The following BICD1 variants were observed in gnomAD, a reference collection of about 807,000 sequenced individuals.
BICD1 encodes the protein protein bicaudal D homolog 1.
BICD1 carries 35 observed loss-of-function variants against 92.5 expected under a neutral mutation model. The ratio of observed to expected loss-of-function variants is 0.38; its 90% CI spans 0.29 to 0.50. The LOEUF (loss-of-function observed/expected upper bound fraction) is 0.50. Ranked by LOEUF, BICD1 falls within the 20% of genes least tolerant of loss-of-function variation. BICD1 has a pLI of 0.93. For missense variants in BICD1, 950 were observed against 1,189.8 expected, an observed-to-expected ratio of 0.80 and a Z score of 2.97; for synonymous variants, 429 against 465.1, an observed-to-expected ratio of 0.92 and a Z score of 1.00.
chr12:32,184,515 G>C (rs1944373206), intron 1 of BICD1, among the ~76,000 whole-genome samples: 1 of 152,140 alleles, frequency 6.6e-6, no homozygotes, highest in East Asian at 1.9e-4. Flanking sequence ...TTGAACTCCT[G>C]ACCTCGTGAT....
At chr12:32,334,921 A>G (rs952975168) in intron 6 of BICD1, among the ~76,000 whole-genome samples, 1 of 152,184 alleles carries the variant, frequency 6.6e-6, no homozygotes, top group African/African-American at 2.4e-5. Flanking sequence ...AGCTAATATT[A>G]ATAGGTTGTT....
At chr12:32,116,546 G>A (rs1304149933) in intron 1 of BICD1, among the ~76,000 whole-genome samples, 3 of 147,390 alleles carry the variant, frequency 2.0e-5, no homozygotes, top group African/African-American at 7.5e-5. Context: ...TTGAGATGGA[G>A]TCTCACTCTG....
At chr12:32,362,344 G>C (rs566665745) in intron 8 of BICD1, among the ~76,000 whole-genome samples, 1 of 152,094 alleles carries the variant, frequency 6.6e-6, no homozygotes, top group Non-Finnish European at 1.5e-5. Context: ...TGGGCAACAA[G>C]AGCGAAACTC....
chr12:32,318,582 C>T (rs111323342), intron 4 of BICD1, among the ~76,000 whole-genome samples: 1,570 of 152,210 alleles, frequency 0.01, 27 homozygotes, highest in African/African-American at 0.036. Context: ...CTGCCGGGTG[C>T]GGTGGCTCAC....
Position 32,351,435 on chromosome 12 carries a change from C to G in BICD1, c.2764+12456C>G, listed in dbSNP as rs374275589. On this transcript the variant is annotated intron_variant, in intron 8 of 9. Transcript: ENST00000652176. ...CTGGGAGGTGGAGGCTGCAGTGAGC[C>G]AAGATGGTACCCACTGCACTTCAGC... Among the ~76,000 whole-genome samples, 74 of 123,508 alleles carry G rather than the reference C, an allele frequency of 6.0e-4. 1 individual carries two copies. In the East Asian group the frequency reaches 0.013, roughly 22 times the overall value. 81.0% of individuals were successfully genotyped at this position (123,508 alleles called of 152,430 possible). A position where few individuals can be genotyped will look rare whatever the true frequency, so the allele number is the denominator to read the frequency against.
chr12:32,336,184 A>G (rs780973627), intron 6 of BICD1, among the ~76,000 whole-genome samples: 17 of 152,124 alleles, frequency 1.1e-4, no homozygotes, highest in Admixed American at 8.5e-4. Flanking sequence ...TTTTTTTGGC[A>G]TGAACAGTAT....
intron 4 of BICD1, among the ~76,000 whole-genome samples, chr12:32,326,267 A>G (rs1948776712): frequency 6.6e-6 from 1 of 152,054 alleles, no homozygotes; most frequent in African/African-American, 2.4e-5. Flanking sequence ...TAGAACAATA[A>G]TGTAAACAAT....
chr12:32,326,780 C>T (rs1426048878), intron 4 of BICD1, among the ~76,000 whole-genome samples: 1 of 152,132 alleles, frequency 6.6e-6, no homozygotes, highest in Non-Finnish European at 1.5e-5. Flanking sequence ...CTACTCAGGA[C>T]ACTGAGGTGG....
At chr12:32,170,124 G>A (rs528262161) in intron 1 of BICD1, among the ~76,000 whole-genome samples, 1 of 152,216 alleles carries the variant, frequency 6.6e-6, no homozygotes, top group South Asian at 2.1e-4. Context: ...CTCTGAGAAG[G>A]CAAATTAATT....
At chr12:32,181,129 T>G (rs1195512812) in intron 1 of BICD1, among the ~76,000 whole-genome samples, 2 of 151,796 alleles carry the variant, frequency 1.3e-5, no homozygotes, top group Admixed American at 1.3e-4. Flanking sequence ...ATAAAAAAAT[T>G]ACACTTTTGG....
intron 1 of BICD1, among the ~76,000 whole-genome samples, chr12:32,212,259 G>A (rs1432591238): frequency 6.6e-6 from 1 of 152,132 alleles, no homozygotes; most frequent in Non-Finnish European, 1.5e-5. Flanking sequence ...GTAATTTAGG[G>A]AGGAGTACCA....
At position 32,365,044 on chromosome 12, in the gene BICD1, T is replaced by G. The variant is rs542879758; in HGVS notation, c.2765-2626T>G. Among the ~76,000 whole-genome samples, 12 of 152,276 alleles carry G rather than the reference T, an allele frequency of 7.9e-5. 1 individual carries two copies. The highest frequency in any genetic ancestry group is 2.9e-4 in the African/African-American group (12 of 41,544). ...CGAAGTCAGGAGTTAGAGACCAGCC[T>G]GGTTAACACGGTGAAACCCCGTCTC... On this transcript the variant is annotated intron_variant, in intron 8 of 9. Transcript: ENST00000652176.
chr12:32,158,350 T>C (rs1020236012), intron 1 of BICD1, among the ~76,000 whole-genome samples: 3 of 151,930 alleles, frequency 2.0e-5, no homozygotes, highest in African/African-American at 4.8e-5. Context: ...TCCAGTGATC[T>C]GCCCACCTTG....
intron 1 of BICD1, among the ~76,000 whole-genome samples, chr12:32,206,474 T>G (rs1180952723): frequency 6.6e-6 from 1 of 151,986 alleles, no homozygotes; most frequent in Non-Finnish European, 1.5e-5. Context: ...GGTGTGGTGG[T>G]GCATGCCTGT....
chr12:32,284,391 C>A (rs1400446047), intron 2 of BICD1, among the ~76,000 whole-genome samples: 1 of 152,178 alleles, frequency 6.6e-6, no homozygotes, highest in Non-Finnish European at 1.5e-5. Context: ...TATAAAATTT[C>A]TTTTTCTCTA....
At position 32,337,942 on chromosome 12, in the gene BICD1, T is replaced by A; in HGVS notation, c.2570+126T>A. On this transcript the variant is annotated intron_variant, in intron 7 of 9. Transcript: ENST00000652176. This position sits in a 1 kb window ranked among gnomAD's most constrained non-coding sequence, Gnocchi z 4.7. ...AAAAGAAAAAATGGGAGCTGGCATATAAATGGTCTTGCTAATGTGGGTCTT... is the reference window on the plus strand; with the variant it reads ...AAAAGAAAAAATGGGAGCTGGCATAAAAATGGTCTTGCTAATGTGGGTCTT... The A allele has an allele frequency of 9.4e-7, 1 of 1,060,310 alleles. No homozygotes were observed. The highest frequency in any genetic ancestry group is 1.4e-6 in the Non-Finnish European group (1 of 728,118). 65.7% of individuals were successfully genotyped at this position (1,060,310 alleles called of 1,614,324 possible). A position where few individuals can be genotyped will look rare whatever the true frequency, so the allele number is the denominator to read the frequency against.
intron 1 of BICD1, among the ~76,000 whole-genome samples, chr12:32,205,797 A>T (rs904917600): frequency 6.6e-6 from 1 of 150,968 alleles, no homozygotes; most frequent in African/African-American, 2.4e-5. Context: ...GACTCTCTAA[A>T]GTATTTTCTC....
chr12:32,316,944 G>A (rs982731878), intron 4 of BICD1, among the ~76,000 whole-genome samples: 3 of 152,156 alleles, frequency 2.0e-5, no homozygotes, highest in African/African-American at 7.2e-5. Flanking sequence ...CTATGAGTGA[G>A]AACATGCTGT....
At chr12:32,256,135 C>G (rs539212787) in intron 2 of BICD1, among the ~76,000 whole-genome samples, 5 of 152,098 alleles carry the variant, frequency 3.3e-5, no homozygotes, top group Non-Finnish European at 7.4e-5. Context: ...TCACTGCAAC[C>G]TTGACCCCCT....
Sources: gnomAD v4.1 joint callset for allele counts (sites outside exome capture counted in the v4.1 genomes callset) on GRCh38, gnomAD v4.1.1 for gene constraint, Gnocchi (gnomAD v3.1) non-coding constraint, MANE v1.5 for transcripts, NCBI Gene and HGNC (gene_info 2026-07-23, HGNC 2026-07-21) for gene names.